COL6A5: variants seen among roughly 807,000 people sequenced by gnomAD.
COL6A5 encodes collagen alpha-5(VI) chain.
Under a neutral mutation model 65.6 loss-of-function variants are expected in COL6A5, and 48 were observed. The ratio of observed to expected loss-of-function variants is 0.73; its 90% CI spans 0.58 to 0.93. COL6A5 has a LOEUF of 0.93. COL6A5 is among the 40% of genes least tolerant of loss of function. The pLI is 0.00. For missense variants in COL6A5, 914 were observed against 928.3 expected (o/e 0.98, Z 0.20); for synonymous variants, 291 against 322.8 (o/e 0.90, Z 1.05).
Position 130,476,945 on chromosome 3 carries a change from A to C in COL6A5, c.2328+5978A>C, listed in dbSNP as rs1710114809. The C allele has an allele frequency of 8.1e-6, 6 of 743,234 alleles. No homozygotes were observed. In the East Asian group the frequency reaches 1.6e-4, roughly 20 times the overall value. The allele number at this position is 743,234 out of a possible 1,614,324, so 46.0% of individuals were successfully genotyped here. On this transcript the variant is annotated intron_variant, in intron 7 of 7. Transcript: ENST00000512836. ...AGCCCTGCTCCCTGAAGCCAATCTGAGTCTCTTCAGAAAATATCAGCTTGT... is the reference window on the plus strand; with the variant it reads ...AGCCCTGCTCCCTGAAGCCAATCTGCGTCTCTTCAGAAAATATCAGCTTGT...
chr3:130,395,299 A>G, exon 8 of COL6A5: 2 of 1,551,542 alleles, frequency 1.3e-6, no homozygotes, highest in Non-Finnish European at 1.7e-6. Flanking sequence ...AGGACCTTGG[A>G]ATTTGTGTCC....
intron 2 of COL6A5, among the ~76,000 whole-genome samples, chr3:130,374,822 CGTT>C (rs1935707216): frequency 6.6e-6 from 1 of 152,000 alleles, no homozygotes; most frequent in African/African-American, 2.4e-5. Flanking sequence ...GTCATTATGT[CGTT>C]GTGAAGCACA....
At chr3:130,399,370 CT>C (rs34407199) in intron 10 of COL6A5, among the ~76,000 whole-genome samples, 290 of 130,416 alleles carry the variant, frequency 2.2e-3, no homozygotes, top group Middle Eastern at 7.6e-3. Context: ...TCATTTCTTT[CT>C]TTTTTTTTTT....
chr3:130,457,880 T>G (rs1266899758), intron 5 of COL6A5, among the ~76,000 whole-genome samples: 4 of 152,132 alleles, frequency 2.6e-5, no homozygotes, highest in Non-Finnish European at 5.9e-5. Flanking sequence ...TCCAGATGTA[T>G]GGCATAAATA....
chr3:130,417,093 C>A (rs1167963140), intron 24 of COL6A5, among the ~76,000 whole-genome samples: 1 of 151,626 alleles, frequency 6.6e-6, no homozygotes, highest in Non-Finnish European at 1.5e-5. Context: ...TTGGCCCCCA[C>A]CCCCCGACAG....
At chr3:130,397,410 ATATATG>A (rs1014301542) in intron 8 of COL6A5, among the ~76,000 whole-genome samples, 167 bp from the exon 9 acceptor site, 1 of 151,974 alleles carries the variant, frequency 6.6e-6, no homozygotes, top group African/African-American at 2.4e-5. Flanking sequence ...TATATATATG[ATATATG>A]TATATGTATA....
intron 17 of COL6A5, 131 bp from the exon 18 acceptor site, chr3:130,409,195 G>A: frequency 1.6e-6 from 1 of 618,754 alleles, no homozygotes; most frequent in Non-Finnish European, 2.7e-6. Context: ...TGAGAAGTCT[G>A]AGGGAATCTG....
intron 7 of COL6A5, among the ~76,000 whole-genome samples, chr3:130,474,313 A>G (rs963631600): frequency 1.3e-5 from 2 of 152,134 alleles, no homozygotes; most frequent in Admixed American, 6.6e-5. Flanking sequence ...TGAACCTGAG[A>G]TGATTGCCTG....
chr3:130,393,044 G>A, intron 7 of COL6A5, among the ~76,000 whole-genome samples: 1 of 150,734 alleles, frequency 6.6e-6, no homozygotes. Context: ...CACACTGGAT[G>A]TGGTCACTCT....
At chr3:130,483,139 G>A (rs1004016287) in intron 7 of COL6A5, among the ~76,000 whole-genome samples, 5 of 152,080 alleles carry the variant, frequency 3.3e-5, no homozygotes, top group East Asian at 1.9e-4. Flanking sequence ...CTTTATAAGC[G>A]AAGGAGAAAT....
At chr3:130,356,188 T>C (rs1236858651) in intron 1 of COL6A5, among the ~76,000 whole-genome samples, 5 of 152,164 alleles carry the variant, frequency 3.3e-5, no homozygotes, top group Non-Finnish European at 2.9e-5. Flanking sequence ...CAGATAATCA[T>C]GGTAAACAAG....
At chr3:130,433,180 A>C (rs775629703) in intron 1 of COL6A5, among the ~76,000 whole-genome samples, 5 of 152,288 alleles carry the variant, frequency 3.3e-5, no homozygotes, top group Middle Eastern at 3.4e-3. Context: ...GCAGGAAGTC[A>C]AAGTCCTGTG....
At chr3:130,379,653 A>G in exon 4 of COL6A5, 1 of 1,551,460 alleles carries the variant, frequency 6.4e-7, no homozygotes. Flanking sequence ...TTCAGCAGCA[A>G]ATCAAGAATC....
In COL6A5 at chr3:130,406,112, G is replaced by C; in HGVS notation, c.4381-19G>C. On this transcript the variant is annotated intron_variant and NMD_transcript_variant, in intron 15 of 41. Coordinates refer to the COL6A5 transcript ENST00000312481. The stretch of plus-strand genomic sequence containing the variant: ...AGAGACCTGCTTTTACCTGATGCCT[G>C]TCTATTGTCATCTCTCAGGGAGGTC... 6.5e-7 allele frequency: 1 copy of C among 1,549,266 alleles called. No homozygotes were observed. The highest frequency in any genetic ancestry group is 8.7e-7 in the Non-Finnish European group (1 of 1,144,756).
intron 7 of COL6A5, among the ~76,000 whole-genome samples, chr3:130,473,714 G>A (rs1044757815): frequency 2.4e-4 from 37 of 152,098 alleles, no homozygotes; most frequent in African/African-American, 7.7e-4. Flanking sequence ...TGTTTCTTGT[G>A]ATTAGGTACA....
chr3:130,443,014 C>A (rs1204089639), intron 3 of COL6A5, among the ~76,000 whole-genome samples: 1 of 152,094 alleles, frequency 6.6e-6, no homozygotes, highest in Non-Finnish European at 1.5e-5. Flanking sequence ...AAGGTAAAAT[C>A]TTGTCTATGA....
At chr3:130,470,953 A>G (rs748228030) in exon 7 of COL6A5, 1 of 1,611,404 alleles carries the variant, frequency 6.2e-7, no homozygotes, top group Admixed American at 1.7e-5. Context: ...ACGGTGGCAC[A>G]GAAAACACTG....
At chr3:130,467,069 A>G (rs1709835165) in intron 5 of COL6A5, among the ~76,000 whole-genome samples, 1 of 152,038 alleles carries the variant, frequency 6.6e-6, no homozygotes, top group Non-Finnish European at 1.5e-5. Context: ...ACATAAAAGA[A>G]AAGGGAATAT....
chr3:130,364,480 C>A (rs1216756494), intron 1 of COL6A5, among the ~76,000 whole-genome samples: 1 of 152,052 alleles, frequency 6.6e-6, no homozygotes, highest in Admixed American at 6.6e-5. Context: ...AACAGTACAG[C>A]TAAATAGAGT....
Sources: gnomAD v4.1 joint callset for allele counts (sites outside exome capture counted in the v4.1 genomes callset) on GRCh38, gnomAD v4.1.1 for gene constraint, MANE v1.5 for transcripts, NCBI Gene and HGNC (gene_info 2026-07-23, HGNC 2026-07-21) for gene names.